BAZ2B: variants seen among roughly 807,000 people sequenced by gnomAD.
The protein encoded by BAZ2B is bromodomain adjacent to zinc finger domain protein 2B.
Under a neutral mutation model 246.0 loss-of-function variants are expected in BAZ2B, and 91 were observed. That is an observed-to-expected ratio of 0.37 (90% confidence interval 0.31 to 0.44). BAZ2B has a LOEUF of 0.44. Ranked by LOEUF, BAZ2B falls within the 20% of genes least tolerant of loss-of-function variation. The probability of loss-of-function intolerance (pLI) is 1.00; values close to 1 mark genes in which losing one functional copy is unlikely to be tolerated. For synonymous variants in BAZ2B, 855 were observed against 860.0 expected, an observed-to-expected ratio of 0.99 and a Z score of 0.10; for missense variants, 2,332 against 2,533.7, an observed-to-expected ratio of 0.92 and a Z score of 1.71.
At position 159,350,204 on chromosome 2, in the gene BAZ2B, G is replaced by C. The variant is rs770863123; in HGVS notation, c.4367C>G (p.Thr1456Arg). ...GCCAGGTTTCTGAAGGAATAGATTT[G>C]TGTTATCTTTTTCTTTAAGATCTTC... ...QKEDLKEKDN[T>R]NLFLQKPGSF... Residue 1456 changes from threonine to arginine, a missense_variant, in exon 28 of 37, where the codon ACA becomes AGA. Around this residue, in one of 9 missense-constraint regions of BAZ2B, gnomAD observed 676 missense variants for 668.6 expected, o/e 1.01. Transcript: ENST00000392783. 2.5e-6 allele frequency: 4 copies of C among 1,613,938 alleles called. No homozygotes were observed. In the South Asian group the frequency reaches 4.4e-5, roughly 18 times the overall value.
At chr2:159,395,347 A>G (rs1376721279) in intron 20 of BAZ2B, 1 of 152,716 alleles carries the variant, frequency 6.5e-6, no homozygotes, top group Non-Finnish European at 1.5e-5. Context: ...TATTTTAAGA[A>G]AAGTACTTAG....
chr2:159,583,112 C>CTTT (rs11296306), intron 1 of BAZ2B, among the ~76,000 whole-genome samples: 6 of 137,588 alleles, frequency 4.4e-5, no homozygotes, highest in Admixed American at 1.4e-4. Context: ...TTTTTCTTTT[C>CTTT]TTTTTTTTTT....
intron 13 of BAZ2B, 50 bp from the exon 14 acceptor site, chr2:159,412,595 C>G: frequency 2.0e-6 from 3 of 1,504,364 alleles, no homozygotes; most frequent in Non-Finnish European, 2.7e-6. Context: ...AAAATAAACA[C>G]AAGAGATCAA....
At chr2:159,432,578 T>A (rs2071342242) in intron 9 of BAZ2B, among the ~76,000 whole-genome samples, 179 bp downstream of exon 9, 1 of 152,228 alleles carries the variant, frequency 6.6e-6, no homozygotes, top group Admixed American at 6.5e-5. Context: ...GCTGAGAATC[T>A]GACTTAGGAT....
At position 159,432,814 on chromosome 2, in the gene BAZ2B, C is replaced by T. The variant is rs543612867; in HGVS notation, c.1843G>A (p.Asp615Asn). ...TCATCTTCCTCATCTTCTTCTTCAT[C>T]ATCTTCCTCTTCATCCTCATTTGAA... ...EDSNEDEEED[D>N]EEEDEEDDED... Residue 615 changes from aspartate to asparagine, a missense_variant, in exon 9 of 37, where the codon GAT becomes AAT. Around this residue, in one of 9 missense-constraint regions of BAZ2B, gnomAD observed 651 missense variants for 650.9 expected, o/e 1.00. Coordinates refer to ENST00000392783, the MANE Select transcript of BAZ2B (RefSeq NM_013450.4). 12 of 1,613,922 alleles carry T rather than the reference C, an allele frequency of 7.4e-6. No individual in the cohort carries two copies. The South Asian group carries it at 9.9e-5, about 13-fold the overall frequency.
chr2:159,394,679 G>A (rs951206511), intron 20 of BAZ2B, among the ~76,000 whole-genome samples: 7 of 152,114 alleles, frequency 4.6e-5, no homozygotes, highest in Non-Finnish European at 8.8e-5. Flanking sequence ...TAGTATCAAT[G>A]GTTAAGTACT....
the BAZ2B span, among the ~76,000 whole-genome samples, chr2:159,646,963 T>A: frequency 6.6e-6 from 1 of 152,164 alleles, no homozygotes; most frequent in East Asian, 1.9e-4. Flanking sequence ...AGATGCTTTC[T>A]CTCCTGCTCT....
chr2:159,563,400 G>GTTAATTATGT (rs2090069133), intron 1 of BAZ2B, among the ~76,000 whole-genome samples: 1 of 152,084 alleles, frequency 6.6e-6, no homozygotes, highest in Non-Finnish European at 1.5e-5. Context: ...GTGAAGTTTA[G>GTTAATTATGT]TTAATTATGT....
intron 2 of BAZ2B, among the ~76,000 whole-genome samples, chr2:159,539,273 TAGTA>T (rs1238826342): frequency 6.6e-6 from 1 of 152,214 alleles, no homozygotes; most frequent in Non-Finnish European, 1.5e-5. Context: ...TTTATAAATT[TAGTA>T]AGTAACTCAA....
chr2:159,697,189 A>C, the BAZ2B span, among the ~76,000 whole-genome samples: 1 of 151,428 alleles, frequency 6.6e-6, no homozygotes, highest in Non-Finnish European at 1.5e-5. Flanking sequence ...CCAATCTTTT[A>C]ATAGTTTTGT....
the BAZ2B span, among the ~76,000 whole-genome samples, chr2:159,690,611 C>A: frequency 6.6e-6 from 1 of 152,098 alleles, no homozygotes; most frequent in Non-Finnish European, 1.5e-5. Flanking sequence ...TTTTCTAGTG[C>A]AGAAGTCCGC....
intron 3 of BAZ2B, among the ~76,000 whole-genome samples, chr2:159,473,058 T>C (rs947668109): frequency 6.6e-6 from 1 of 152,194 alleles, no homozygotes; most frequent in Non-Finnish European, 1.5e-5. Flanking sequence ...TCAGAAGGAA[T>C]GGTACCAGCT....
intron 21 of BAZ2B, among the ~76,000 whole-genome samples, chr2:159,387,569 T>C (rs3771711): frequency 0.75 from 114,265 of 152,066 alleles, 45,152 homozygotes; most frequent in Middle Eastern, 0.91. Flanking sequence ...CACAAAACTA[T>C]AGATAATAGC....
the BAZ2B span, among the ~76,000 whole-genome samples, chr2:159,629,853 A>T: frequency 2.6e-5 from 4 of 152,170 alleles, no homozygotes; most frequent in Admixed American, 1.3e-4. Context: ...AATAAAAATT[A>T]AAAAGTATGA....
At chr2:159,358,458 T>C (rs2059349257) in intron 27 of BAZ2B, among the ~76,000 whole-genome samples, 1 of 152,208 alleles carries the variant, frequency 6.6e-6, no homozygotes, top group Admixed American at 6.5e-5. Flanking sequence ...CCCAGATTCA[T>C]AAAGCAAGTC....
chr2:159,593,501 C>T (rs1559859193), intron 1 of BAZ2B, among the ~76,000 whole-genome samples: 1 of 152,178 alleles, frequency 6.6e-6, no homozygotes, highest in Non-Finnish European at 1.5e-5. Flanking sequence ...GTAGTCCCCA[C>T]TTATCCACAT....
chr2:159,711,785 G>C, the BAZ2B span: 1 of 152,200 alleles, frequency 6.6e-6, no homozygotes, highest in Middle Eastern at 3.4e-3. Context: ...ATATTCACCA[G>C]ACCATTCACC....
intron 3 of BAZ2B, among the ~76,000 whole-genome samples, chr2:159,455,763 GTTTTTTTTTTTTTT>G (rs60866580): frequency 4.6e-5 from 3 of 64,608 alleles, no homozygotes; most frequent in East Asian, 5.3e-4. Context: ...AAATATTGTG[GTTTTTTTTTTTTTT>G]TTTTTTTTTT....
Position 159,512,564 on chromosome 2 carries a change from A to AT in BAZ2B, c.-2-33844dup, listed in dbSNP as rs368155953. On this transcript the variant is annotated intron_variant, in intron 2 of 36. Transcript: ENST00000392783. Reference sequence around the variant, plus strand: ...GTCTCTAAGCTGATAAAATGTGTGGATTAAAACTCATTCTTCATTATTTAG... The same window carrying AT: ...GTCTCTAAGCTGATAAAATGTGTGGATTTAAAACTCATTCTTCATTATTTAG... Among the ~76,000 whole-genome samples, 905 of 152,290 alleles carry AT rather than the reference A, an allele frequency of 5.9e-3. 10 individuals are homozygous for AT. The highest frequency in any genetic ancestry group is 0.021 in the African/African-American group (861 of 41,564).
Sources: gnomAD v4.1 joint callset for allele counts (sites outside exome capture counted in the v4.1 genomes callset) on GRCh38, gnomAD v4.1.1 for gene constraint, gnomAD v4.1.1 regional missense constraint, MANE v1.5 for transcripts, NCBI Gene and HGNC (gene_info 2026-07-23, HGNC 2026-07-21) for gene names.